ADAMTS10: variants seen among roughly 807,000 people sequenced by gnomAD.
ADAMTS10 encodes A disintegrin and metalloproteinase with thrombospondin motifs 10.
A neutral mutation model predicts 135.9 loss-of-function variants in ADAMTS10; 48 were observed. The ratio of observed to expected loss-of-function variants is 0.35; its 90% confidence interval spans 0.28 to 0.45. The LOEUF is 0.45. Ranked by LOEUF, ADAMTS10 falls within the 20% of genes least tolerant of loss-of-function variation. ADAMTS10 has a pLI of 1.00. For synonymous variants in ADAMTS10, 621 were observed against 647.5 expected, an observed-to-expected ratio of 0.96 and a Z score of 0.62; for missense variants, 1,131 against 1,565.2, an observed-to-expected ratio of 0.72 and a Z score of 4.68.
chr19:8,589,653 G>A, intron 16 of ADAMTS10, 68 bp from the exon 17 acceptor site: 1 of 1,604,094 alleles, frequency 6.2e-7, no homozygotes, highest in Non-Finnish European at 8.5e-7. Flanking sequence ...CTCCCTGGGG[G>A]AGTGAGGCCA....
At chr19:8,602,737 T>G (rs1271666871) in intron 5 of ADAMTS10, among the ~76,000 whole-genome samples, 1 of 152,154 alleles carries the variant, frequency 6.6e-6, no homozygotes, top group Non-Finnish European at 1.5e-5. Flanking sequence ...GTGATCCTCC[T>G]GCCTCAGCCT....
chr19:8,603,995 CTA>C, intron 4 of ADAMTS10, 111 bp from the exon 5 acceptor site: 4 of 1,155,664 alleles, frequency 3.5e-6, no homozygotes, highest in Non-Finnish European at 4.6e-6. Flanking sequence ...GTTTATTTTG[CTA>C]TTTCTTTTTT....
intron 15 of ADAMTS10, among the ~76,000 whole-genome samples, chr19:8,590,649 G>A (rs2042511517): frequency 6.6e-6 from 1 of 152,136 alleles, no homozygotes; most frequent in South Asian, 2.1e-4. Flanking sequence ...TAGTAGAGAC[G>A]GGGTTTCACC....
At position 8,586,378 on chromosome 19, in the gene ADAMTS10, C is replaced by A. The variant is rs1555737172; in HGVS notation, c.2496G>T (p.Ala832=). The A allele has an allele frequency of 1.2e-6, 2 of 1,613,836 alleles. No homozygotes were observed. Among genetic ancestry groups the A allele is most frequent in the East Asian group, 2.2e-5 (1 of 44,868 alleles). ...ACTGGGCCGAGCACTTGGTCCAGGG[C>A]GCATAGTGCCAGGAGTAGGGGGGCA... is the stretch of plus-strand genomic sequence containing the variant. ...DSLPPYSWHY[A]PWTKCSAQCA... Residue 832 remains alanine (A), a synonymous_variant, in exon 21 of 26, where the codon GCG becomes GCT. Coordinates refer to ENST00000597188, the MANE Select transcript of ADAMTS10 (RefSeq NM_030957.4).
rs369050914 is a variant in ADAMTS10, at chr19:8,581,130, C to CTTTTT, written c.3203-133_3203-129dup. 2.7e-3 allele frequency: 396 copies of CTTTTT among 147,186 alleles called. 29 individuals carry two copies. Among genetic ancestry groups the CTTTTT allele is most frequent in the African/African-American group, 0.015 (268 of 18,310 alleles). 9.1% of individuals were successfully genotyped at this position (147,186 alleles called of 1,614,324 possible). ...CTTGGTTTCTTTCTTTTTAAATTTA[C>CTTTTT]TTTTTTTTTTTTTTTTTTTTTTTTT... On this transcript the variant is annotated intron_variant, in intron 25 of 25. Transcript: ENST00000597188.
In ADAMTS10 at chr19:8,607,355, C is replaced by T. The variant is rs200958661; in HGVS notation, c.-100+779G>A. Among the ~76,000 whole-genome samples the T allele has an allele frequency of 7.2e-5, 11 of 152,300 alleles. No individual in the cohort carries two copies. In the East Asian group the frequency reaches 2.1e-3, roughly 29 times the overall value. ...ACTCCCACCTCCCAGGCCTCTCCTC[C>T]ACCCTGTGTTTCTGACCCCGTCCTC... On this transcript the variant is annotated intron_variant, in intron 2 of 25. Coordinates refer to ENST00000597188, the MANE Select transcript of ADAMTS10 (RefSeq NM_030957.4).
intron 11 of ADAMTS10, 74 bp from the exon 12 acceptor site, chr19:8,595,977 G>A (rs2042598933): frequency 6.2e-7 from 1 of 1,613,890 alleles, no homozygotes; most frequent in Non-Finnish European, 8.5e-7. Flanking sequence ...GCTGGATGGG[G>A]GTCCCAGGGA....
Position 8,586,550 on chromosome 19 carries a change from C to T in ADAMTS10, c.2403+8G>A, listed in dbSNP as rs781810181. On this transcript the variant is annotated splice_region_variant and intron_variant, in intron 20 of 25. Coordinates refer to ENST00000597188, the MANE Select transcript of ADAMTS10 (RefSeq NM_030957.4). The stretch of plus-strand genomic sequence containing the variant: ...AAGGCTGCACCTTGCCCCCAGTCTC[C>T]CTGTTACCATGACGATGAGAGATGC... The T allele has an allele frequency of 9.9e-6, 16 of 1,613,500 alleles. No individual in the cohort carries two copies. The highest frequency in any genetic ancestry group is 1.2e-5 in the Non-Finnish European group (14 of 1,180,002).
intron 25 of ADAMTS10, chr19:8,582,409 A>C (rs928419817): frequency 6.6e-6 from 1 of 152,180 alleles, no homozygotes; most frequent in Non-Finnish European, 1.5e-5. Flanking sequence ...TGGAGCTTGC[A>C]GTGAGCGGAG....
At chr19:8,604,000 T>TA in intron 4 of ADAMTS10, 116 bp from the exon 5 acceptor site, 12 of 1,098,030 alleles carry the variant, frequency 1.1e-5, no homozygotes, top group Non-Finnish European at 1.4e-5. Context: ...TTTTGCTATT[T>TA]CTTTTTTTTT....
intron 25 of ADAMTS10, 59 bp downstream of exon 25, chr19:8,584,836 C>T: frequency 6.5e-7 from 1 of 1,544,098 alleles, no homozygotes; most frequent in South Asian, 1.2e-5. Context: ...CCCCAATGCC[C>T]TCTGTGGCTG....
In ADAMTS10 at chr19:8,605,825, C is replaced by T; in HGVS notation, c.-99-16G>A. On this transcript the variant is annotated splice_polypyrimidine_tract_variant and intron_variant, in intron 2 of 25. Transcript: ENST00000597188. This position sits in a 1 kb window ranked among gnomAD's most constrained non-coding sequence, Gnocchi z 7.7. The stretch of plus-strand genomic sequence containing the variant: ...CACCGGGCTCCTGGGAGGGGGGAGC[C>T]AGGTAAGGGGGCGCCTGGTCCCGCT... 1.3e-6 allele frequency: 2 copies of T among 1,504,812 alleles called. No homozygotes were observed. The highest frequency in any genetic ancestry group is 1.8e-6 in the Non-Finnish European group (2 of 1,129,626). The allele number at this position is 1,504,812 out of a possible 1,614,324, so 93.2% of individuals were successfully genotyped here.
Position 8,589,546 on chromosome 19 carries a change from C to G in ADAMTS10, c.1940G>C (p.Gly647Ala). ...CGCCCTCTCCGTGTAGAAGTTGAAGCCTTCCGCTAGGCACGTGAGCGAGCA... is the reference window on the plus strand; with the variant it reads ...CGCCCTCTCCGTGTAGAAGTTGAAGGCTTCCGCTAGGCACGTGAGCGAGCA... ...KACSLTCLAE[G>A]FNFYTERAAA... Residue 647 changes from glycine to alanine, a missense_variant, in exon 17 of 26, where the codon GGC becomes GCC. Physicochemically the swap from Gly to Ala is moderately conservative, Grantham distance 60. Around this residue, in one of 3 missense-constraint regions of ADAMTS10, gnomAD observed 745 missense variants for 1,056.3 expected, o/e 0.71. Coordinates refer to ENST00000597188, the MANE Select transcript of ADAMTS10 (RefSeq NM_030957.4). The G allele has an allele frequency of 1.2e-6, 2 of 1,613,478 alleles. No homozygotes were observed. Among genetic ancestry groups the G allele is most frequent in the African/African-American group, 1.3e-5 (1 of 75,032 alleles).
chr19:8,587,561 G>C (rs922631891), intron 18 of ADAMTS10, among the ~76,000 whole-genome samples: 1 of 150,762 alleles, frequency 6.6e-6, no homozygotes, highest in African/African-American at 2.4e-5. Flanking sequence ...TGACCTCCTG[G>C]GCTCAAGGGA....
chr19:8,603,581 CATAATT>C, intron 5 of ADAMTS10, 141 bp downstream of exon 5: 2 of 1,313,546 alleles, frequency 1.5e-6, no homozygotes, highest in Admixed American at 4.0e-5. Context: ...GCCGGAACTC[CATAATT>C]ATATCACTGT....
In ADAMTS10 at chr19:8,602,922, C is replaced by T. The variant is rs1024496547; in HGVS notation, c.592+806G>A. 5.9e-5 allele frequency among the ~76,000 whole-genome samples: 9 copies of T among 152,252 alleles called. 1 individual carries two copies. Among genetic ancestry groups the T allele is most frequent in the African/African-American group, 2.4e-5 (1 of 41,556 alleles). ...GATTACAGGTGTGAGCCACCATGCCCGAACTGACCTGGTTTCCTAGCAGTA... is the reference window on the plus strand; with the variant it reads ...GATTACAGGTGTGAGCCACCATGCCTGAACTGACCTGGTTTCCTAGCAGTA... On this transcript the variant is annotated intron_variant, in intron 5 of 25. Transcript: ENST00000597188.
Position 8,603,799 on chromosome 19 carries a change from C to T in ADAMTS10, c.521G>A (p.Ser174Asn). Residue 174 changes from serine to asparagine, a missense_variant, in exon 5 of 26, where the codon AGT (serine) becomes AAT (asparagine). Around this residue, in one of 3 missense-constraint regions of ADAMTS10, gnomAD observed 306 missense variants for 344.4 expected, o/e 0.89. Coordinates refer to ENST00000597188, the MANE Select transcript of ADAMTS10 (RefSeq NM_030957.4). ...ACGCTTGTACACCACATGTGGTCCA[C>T]TTTCCTCCGGGCTCCGAGAACCCTT... ...GPKGSRSPEESGPHVVYKRSS... is the reference protein window; with the variant it reads ...GPKGSRSPEENGPHVVYKRSS... 1 of 1,614,174 alleles carries T rather than the reference C, an allele frequency of 6.2e-7. No homozygotes were observed. Among genetic ancestry groups the T allele is most frequent in the Non-Finnish European group, 8.5e-7 (1 of 1,180,044 alleles).
chr19:8,592,268 T>A, intron 13 of ADAMTS10, 165 bp from the exon 14 acceptor site: 1 of 1,397,742 alleles, frequency 7.2e-7, no homozygotes, highest in East Asian at 2.5e-5. Flanking sequence ...AGGAGAGTGG[T>A]CTGGGAGACA....
chr19:8,586,544 A>T lies in ADAMTS10; in HGVS notation c.2403+14T>A. 6.2e-7 allele frequency: 1 copy of T among 1,613,398 alleles called. No individual in the cohort carries two copies. Among genetic ancestry groups the T allele is most frequent in the Non-Finnish European group, 8.5e-7 (1 of 1,180,006 alleles). On this transcript the variant is annotated intron_variant, in intron 20 of 25. Coordinates refer to ENST00000597188, the MANE Select transcript of ADAMTS10 (RefSeq NM_030957.4). Reference sequence around the variant, plus strand: ...ATTCCAAAGGCTGCACCTTGCCCCCAGTCTCCCTGTTACCATGACGATGAG... The same window carrying T: ...ATTCCAAAGGCTGCACCTTGCCCCCTGTCTCCCTGTTACCATGACGATGAG...
Sources: gnomAD v4.1 joint callset for allele counts (sites outside exome capture counted in the v4.1 genomes callset) on GRCh38, gnomAD v4.1.1 for gene constraint, gnomAD v4.1.1 regional missense constraint, Gnocchi (gnomAD v3.1) non-coding constraint, MANE v1.5 for transcripts, NCBI Gene and HGNC (gene_info 2026-07-23, HGNC 2026-07-21) for gene names.